FABP3: variants seen among roughly 807,000 people sequenced by gnomAD.
FABP3 encodes fatty acid-binding protein, heart.
FABP3 carries 8 observed loss-of-function variants against 13.4 expected under a neutral mutation model. The observed-to-expected ratio is 0.60, with a 90% CI of 0.35 to 1.07. FABP3 has a LOEUF of 1.07. FABP3 is among the 50% of genes least tolerant of loss of function. FABP3 has a pLI of 0.02. For missense variants in FABP3, 135 were observed against 164.7 expected, an observed-to-expected ratio of 0.82 and a Z score of 0.99; for synonymous variants, 64 against 60.0, an observed-to-expected ratio of 1.07 and a Z score of -0.31.
intron 2 of FABP3, among the ~76,000 whole-genome samples, chr1:31,367,991 C>A (rs1356300340): frequency 6.6e-6 from 1 of 152,212 alleles, no homozygotes; most frequent in Non-Finnish European, 1.5e-5. Context: ...AATTAGACTT[C>A]CTGCCCTGTA....
At chr1:31,369,588 G>A in intron 1 of FABP3, 31 bp from the exon 2 acceptor site, 2 of 1,609,978 alleles carry the variant, frequency 1.2e-6, no homozygotes, top group East Asian at 2.2e-5. Context: ...ATGAGTATAT[G>A]AGCTGGGGTA....
downstream of FABP3, among the ~76,000 whole-genome samples, chr1:31,362,423 A>G (rs546131203): frequency 9.2e-5 from 14 of 152,354 alleles, no homozygotes; most frequent in South Asian, 2.7e-3. Flanking sequence ...TTTGAAATTC[A>G]AAGAAGAGAT....
chr1:31,365,201 A>G (rs1040070463), downstream of FABP3, among the ~76,000 whole-genome samples: 3 of 152,224 alleles, frequency 2.0e-5, no homozygotes, highest in Non-Finnish European at 2.9e-5. Flanking sequence ...CATAAGTACT[A>G]GCCTGGTGCA....
chr1:31,361,660 A>G (rs981369169), downstream of FABP3, among the ~76,000 whole-genome samples: 1 of 152,036 alleles, frequency 6.6e-6, no homozygotes, highest in African/African-American at 2.4e-5. Context: ...TTCCATTCAT[A>G]TGATCTACAT....
intron 2 of FABP3, among the ~76,000 whole-genome samples, chr1:31,368,456 A>G (rs1640149321): frequency 6.6e-6 from 1 of 152,210 alleles, no homozygotes; most frequent in South Asian, 2.1e-4. Flanking sequence ...AGGTATGAGC[A>G]GGTGGTGGGG....
At position 31,365,487 on chromosome 1, in the gene FABP3, T is replaced by A. The variant is rs1203281689; in HGVS notation, c.*399A>T. The A allele has an allele frequency of 5.1e-6, 1 of 195,502 alleles. No homozygotes were observed. Among genetic ancestry groups the A allele is most frequent in the Non-Finnish European group, 1.1e-5 (1 of 93,664 alleles). 12.1% of individuals were successfully genotyped at this position (195,502 alleles called of 1,614,324 possible). ...TAGGTACAGCTCTTTTATTATTAAA[T>A]GTGTAAGGTGATCAGCTGATTAACA... is the stretch of plus-strand genomic sequence containing the variant. On this transcript the variant is annotated 3_prime_UTR_variant, in exon 4 of 4. Transcript: ENST00000373713.
rs5773353 is a variant in FABP3 at position 31,365,704 on chromosome 1, T to TA, written c.*181dup. 138,773 of 453,852 alleles carry TA rather than the reference T, an allele frequency of 0.31. 10,960 individuals carry two copies. The highest frequency in any genetic ancestry group is 0.47 in the East Asian group (11,350 of 24,384). The allele number at this position is 453,852 out of a possible 1,614,324, so 28.1% of individuals were successfully genotyped here. ...CCTCAGAGCACCCTATGAGTGCAGT[T>TA]AAAAAAAAAAAAAAAAAACCACATA... On this transcript the variant is annotated 3_prime_UTR_variant, in exon 4 of 4. Coordinates refer to ENST00000373713, the MANE Select transcript of FABP3 (RefSeq NM_004102.5).
At chr1:31,366,056 G>T in intron 3 of FABP3, 117 bp from the exon 4 acceptor site, 1 of 708,852 alleles carries the variant, frequency 1.4e-6, no homozygotes, top group Non-Finnish European at 2.3e-6. Context: ...CCGGCTATAT[G>T]TATGTATGTG....
In FABP3 at chr1:31,365,907, G is replaced by A. The variant is rs529266933; in HGVS notation, c.381C>T (p.Arg127=). 2 of 1,614,034 alleles carry A rather than the reference G, an allele frequency of 1.2e-6. No homozygotes were observed. The highest frequency in any genetic ancestry group is 2.2e-5 in the South Asian group (2 of 91,076). Residue 127 remains arginine (R), a synonymous_variant, in exon 4 of 4, where the codon CGC becomes CGT. Transcript: ENST00000373713. ...CAGGTCATGCCTCTTTCTCATAAGT[G>A]CGAGTGCAAACTGCAGTGCCGTGGG... ...TLTHGTAVCT[R]TYEKEA
intron 2 of FABP3, 28 bp downstream of exon 2, chr1:31,369,357 A>G: frequency 6.2e-7 from 1 of 1,610,578 alleles, no homozygotes; most frequent in Non-Finnish European, 8.5e-7. Flanking sequence ...AGCACTCTCC[A>G]TTCCCCACCC....
Position 31,365,703 on chromosome 1 carries a change from T to TTA in FABP3, c.*181_*182dup. 1 of 502,448 alleles carries TTA rather than the reference T, an allele frequency of 2.0e-6. No individual in the cohort carries two copies. The highest frequency in any genetic ancestry group is 3.4e-6 in the Non-Finnish European group (1 of 292,560). 31.1% of individuals were successfully genotyped at this position (502,448 alleles called of 1,614,324 possible). On this transcript the variant is annotated 3_prime_UTR_variant, in exon 4 of 4. Coordinates refer to ENST00000373713, the MANE Select transcript of FABP3 (RefSeq NM_004102.5). ...ACCTCAGAGCACCCTATGAGTGCAG[T>TTA]TAAAAAAAAAAAAAAAAAACCACAT...
Position 31,365,719 on chromosome 1 carries a change from A to C in FABP3, c.*167T>G, listed in dbSNP as rs1640093273. The C allele has an allele frequency of 4.9e-6, 3 of 616,982 alleles. No individual in the cohort carries two copies. Among genetic ancestry groups the C allele is most frequent in the Admixed American group, 2.9e-5 (1 of 34,106 alleles). The allele number at this position is 616,982 out of a possible 1,614,324, so 38.2% of individuals were successfully genotyped here. A position where few individuals can be genotyped will look rare whatever the true frequency, so the allele number is the denominator to read the frequency against. On this transcript the variant is annotated 3_prime_UTR_variant, in exon 4 of 4. Transcript: ENST00000373713. ...TGAGTGCAGTTAAAAAAAAAAAAAAAAAACCACATACACCATGGGAACTGG... is the reference window on the plus strand; with the variant it reads ...TGAGTGCAGTTAAAAAAAAAAAAAACAAACCACATACACCATGGGAACTGG...
Position 31,366,062 on chromosome 1 carries a change from A to ATG in FABP3, c.349-125_349-124dup, listed in dbSNP as rs3049341. The ATG allele has an allele frequency of 9.8e-3, 5,632 of 575,330 alleles. 15 individuals are homozygous for ATG. The highest frequency in any genetic ancestry group is 0.025 in the South Asian group (1,250 of 50,312). 35.6% of individuals were successfully genotyped at this position (575,330 alleles called of 1,614,324 possible). A position where few individuals can be genotyped will look rare whatever the true frequency, so the allele number is the denominator to read the frequency against. On this transcript the variant is annotated intron_variant, in intron 3 of 3. Transcript: ENST00000373713. ...TACTATGTGCCGGCTATATGTATGTATGTGTGTGTGTGTGTGTGTGTGTGT... is the reference window on the plus strand; with the variant it reads ...TACTATGTGCCGGCTATATGTATGTATGTGTGTGTGTGTGTGTGTGTGTGTGT...
At position 31,369,517 on chromosome 1, in the gene FABP3, C is replaced by T; in HGVS notation, c.114G>A (p.Lys38=). 8 of 1,614,106 alleles carry T rather than the reference C, an allele frequency of 5.0e-6. No homozygotes were observed. The highest frequency in any genetic ancestry group is 6.8e-6 in the Non-Finnish European group (8 of 1,180,022). The change falls in exon 2 of 4, where the codon AAG becomes AAA. Residue 38 remains lysine, a synonymous_variant. Transcript: ENST00000373713. ...FATRQVASMT[K]PTTIIEKNGD... ...CATTCTTTTCGATGATTGTGGTAGG[C>T]TTGGTCATGCTGGCCACCTGCCTGG...
chr1:31,363,070 G>A (rs1046338407), downstream of FABP3, among the ~76,000 whole-genome samples: 5 of 151,856 alleles, frequency 3.3e-5, no homozygotes, highest in East Asian at 1.9e-4. Flanking sequence ...TATGTTATAC[G>A]CACTGGAACC....
Position 31,372,993 on chromosome 1 carries a change from T to G in FABP3, c.22A>C (p.Thr8Pro), listed in dbSNP as rs1161786221. 1 of 1,613,912 alleles carries G rather than the reference T, an allele frequency of 6.2e-7. No homozygotes were observed. Among genetic ancestry groups the G allele is most frequent in the African/African-American group, 1.3e-5 (1 of 74,940 alleles). MVDAFLG[T>P]WKLVDSKNFD... ...TTCTTGCTGTCCACTAGCTTCCAGG[T>G]GCCCAGGAAAGCGTCCACCATAGTG... is the stretch of plus-strand genomic sequence containing the variant. The change falls in exon 1 of 4, where the codon ACC becomes CCC. Residue 8 changes from threonine to proline, a missense_variant. Coordinates refer to ENST00000373713, the MANE Select transcript of FABP3 (RefSeq NM_004102.5).
chr1:31,369,518 T>C lies in FABP3; in HGVS notation c.113A>G (p.Lys38Arg). The part of the protein sequence containing the change: ...FATRQVASMT[K>R]PTTIIEKNGD... ...ATTCTTTTCGATGATTGTGGTAGGC[T>C]TGGTCATGCTGGCCACCTGCCTGGT... The change falls in exon 2 of 4, where the codon AAG becomes AGG. Residue 38 changes from lysine (K) to arginine (R), a missense_variant. Lys to Arg is a conservative substitution (Grantham distance 26, BLOSUM62 2). Coordinates refer to ENST00000373713, the MANE Select transcript of FABP3 (RefSeq NM_004102.5). The C allele has an allele frequency of 6.2e-7, 1 of 1,614,176 alleles. No homozygotes were observed. The highest frequency in any genetic ancestry group is 2.2e-5 in the East Asian group (1 of 44,876).
At chr1:31,367,546 G>C (rs766961097) in intron 2 of FABP3, 52 bp from the exon 3 acceptor site, 7 of 1,473,844 alleles carry the variant, frequency 4.7e-6, no homozygotes, top group Non-Finnish European at 1.9e-6. Flanking sequence ...GGAATTGAGG[G>C]GCAGGGTGGG....
At chr1:31,363,028 A>G (rs996114796), downstream of FABP3, among the ~76,000 whole-genome samples, 1 of 152,148 alleles carries the variant, frequency 6.6e-6, no homozygotes, top group Admixed American at 6.5e-5. Context: ...CACAGTTTAT[A>G]TCATGTGCAT....
Sources: allele counts gnomAD v4.1 joint callset (sites outside exome capture counted in the v4.1 genomes callset), GRCh38; gene constraint gnomAD v4.1.1; transcripts MANE v1.5; gene names NCBI Gene and HGNC (gene_info 2026-07-23, HGNC 2026-07-21).